Variants in PCNX1 observed in about 807,000 individuals in gnomAD.
PCNX1 encodes the protein pecanex 1.
PCNX1 carries 78 observed loss-of-function variants against 242.2 expected under a neutral mutation model. That is an observed-to-expected ratio of 0.32 (90% confidence interval 0.27 to 0.39). The LOEUF (loss-of-function observed/expected upper bound fraction) is 0.39, where lower values mean the gene tolerates loss of function less well. PCNX1 is among the 10% of genes least tolerant of loss of function. PCNX1 has a pLI of 1.00. For missense variants in PCNX1, 2,581 were observed against 2,856.5 expected, an observed-to-expected ratio of 0.90 and a Z score of 2.20; for synonymous variants, 1,024 against 1,032.9, an observed-to-expected ratio of 0.99 and a Z score of 0.17.
At chr14:71,000,688 G>A (rs1378893450) in intron 8 of PCNX1, among the ~76,000 whole-genome samples, 2 of 151,990 alleles carry the variant, frequency 1.3e-5, no homozygotes, top group Admixed American at 6.6e-5. Flanking sequence ...CACCATGCCT[G>A]GCTAATTTTG....
chr14:70,941,854 C>T, intron 1 of PCNX1, among the ~76,000 whole-genome samples: 1 of 152,202 alleles, frequency 6.6e-6, no homozygotes, highest in East Asian at 1.9e-4. Flanking sequence ...CCCAGCCTCA[C>T]TGCTGCCTTG....
intron 26 of PCNX1, among the ~76,000 whole-genome samples, chr14:71,058,691 A>G (rs926801123): frequency 2.0e-5 from 3 of 152,352 alleles, no homozygotes; most frequent in African/African-American, 4.8e-5. Flanking sequence ...TGTAGTGTCT[A>G]TGTTAGTGGA....
At chr14:71,025,952 A>G (rs1319396380) in intron 13 of PCNX1, among the ~76,000 whole-genome samples, 165 bp from the exon 14 acceptor site, 6 of 152,200 alleles carry the variant, frequency 3.9e-5, no homozygotes, top group Admixed American at 2.6e-4. Context: ...TCATTCTGTT[A>G]TTCTTCCTCC....
chr14:71,108,167 A>T (rs150564765), intron 33 of PCNX1, among the ~76,000 whole-genome samples: 15 of 152,276 alleles, frequency 9.9e-5, no homozygotes, highest in African/African-American at 3.1e-4. Flanking sequence ...TTCAGATTCC[A>T]CAAGTGAGAT....
At chr14:70,925,446 G>A (rs1271848022) in intron 1 of PCNX1, among the ~76,000 whole-genome samples, 1 of 151,766 alleles carries the variant, frequency 6.6e-6, no homozygotes. Flanking sequence ...TTGAAAAATA[G>A]ATTTTTCCCC....
At chr14:70,966,307 C>A (rs1363873591) in intron 3 of PCNX1, among the ~76,000 whole-genome samples, 1 of 152,100 alleles carries the variant, frequency 6.6e-6, no homozygotes, top group Non-Finnish European at 1.5e-5. Flanking sequence ...TGTTTTTCAC[C>A]TAAATCTGGA....
chr14:71,067,965 T>C (rs2061489847), intron 26 of PCNX1, among the ~76,000 whole-genome samples: 2 of 152,088 alleles, frequency 1.3e-5, no homozygotes, highest in African/African-American at 2.4e-5. Flanking sequence ...TAATTAGTTG[T>C]AGCACATGGA....
Position 71,108,767 on chromosome 14 carries a change from G to C in PCNX1, c.6465G>C (p.Gln2155His). Residue 2155 changes from glutamine (Q) to histidine (H), a missense_variant, in exon 34 of 36, where the codon CAG becomes CAC. This residue lies in a region of PCNX1 where 432 missense variants were observed against 433.6 expected (regional missense o/e 1.00). Coordinates refer to ENST00000304743, the MANE Select transcript of PCNX1 (RefSeq NM_014982.3). ...CTTGTCGGCGCTCTTCTACTAGTCA[G>C]ATATCGCTTCGAAACTTGCCATCAT... ...FVPCRRSSTS[Q>H]ISLRNLPSSI... The C allele has an allele frequency of 6.2e-7, 1 of 1,614,254 alleles. No homozygotes were observed. Among genetic ancestry groups the C allele is most frequent in the Non-Finnish European group, 8.5e-7 (1 of 1,180,046 alleles).
At chr14:70,948,701 A>G (rs1187564656) in intron 2 of PCNX1, among the ~76,000 whole-genome samples, 8 of 148,636 alleles carry the variant, frequency 5.4e-5, no homozygotes, top group Non-Finnish European at 9.0e-5. Flanking sequence ...ACGTGTATAT[A>G]TACACACATA....
intron 1 of PCNX1, among the ~76,000 whole-genome samples, chr14:70,942,639 AG>A (rs1305855535): frequency 6.6e-6 from 1 of 152,236 alleles, no homozygotes; most frequent in Non-Finnish European, 1.5e-5. Flanking sequence ...GCATGAGGCA[AG>A]GCATGTGGGA....
intron 22 of PCNX1, among the ~76,000 whole-genome samples, chr14:71,049,997 C>T (rs987701418): frequency 2.0e-5 from 3 of 152,190 alleles, no homozygotes; most frequent in Non-Finnish European, 4.4e-5. Context: ...AACTAAATTT[C>T]TATGGAAACA....
chr14:70,913,183 A>G (rs1459201023), intron 1 of PCNX1, among the ~76,000 whole-genome samples: 1 of 152,222 alleles, frequency 6.6e-6, no homozygotes, highest in Non-Finnish European at 1.5e-5. Context: ...AAGTGTCTGC[A>G]TGACTGCCTG....
intron 10 of PCNX1, chr14:71,012,619 CAA>C (rs2059851774): frequency 3.7e-6 from 1 of 270,096 alleles, no homozygotes; most frequent in Non-Finnish European, 7.2e-6. Context: ...ATCACGAGGT[CAA>C]GAGTTCAAGA....
At chr14:71,053,973 C>G (rs1046080112) in intron 24 of PCNX1, among the ~76,000 whole-genome samples, 9 of 151,804 alleles carry the variant, frequency 5.9e-5, no homozygotes, top group African/African-American at 2.2e-4. Flanking sequence ...AAAAATTCAC[C>G]TTCACTCACC....
chr14:71,091,795 CATATTA>C (rs1346618276), intron 30 of PCNX1, among the ~76,000 whole-genome samples: 2 of 152,308 alleles, frequency 1.3e-5, no homozygotes, highest in South Asian at 2.1e-4. Flanking sequence ...AACTGTGGTA[CATATTA>C]ATATTATATA....
intron 1 of PCNX1, among the ~76,000 whole-genome samples, chr14:70,939,277 A>C (rs552389113): frequency 7.9e-5 from 12 of 152,312 alleles, no homozygotes; most frequent in Admixed American, 7.2e-4. Context: ...TTAGTGCTAT[A>C]AATTTCCCTC....
At chr14:70,973,079 C>T (rs1439189137) in intron 5 of PCNX1, among the ~76,000 whole-genome samples, 2 of 151,896 alleles carry the variant, frequency 1.3e-5, no homozygotes, top group East Asian at 3.9e-4. Flanking sequence ...TGGTGAAGCC[C>T]TGCCTTTAAG....
intron 26 of PCNX1, among the ~76,000 whole-genome samples, chr14:71,061,919 A>G (rs544725771): frequency 6.6e-6 from 1 of 152,264 alleles, no homozygotes; most frequent in African/African-American, 2.4e-5. Context: ...AAACAGCTAG[A>G]GAAGAAAAAG....
At position 71,009,651 on chromosome 14, in the gene PCNX1, C is replaced by G. The variant is rs781674781; in HGVS notation, c.2647C>G (p.Leu883Val). ...HDELGKFSST[L>V]YETGGCDMSL... Reference sequence around the variant, plus strand: ...TTTGCTAGGTAAGTTCTCTTCTACGCTGTATGAGACTGGTGGCTGTGATAT... The same window carrying G: ...TTTGCTAGGTAAGTTCTCTTCTACGGTGTATGAGACTGGTGGCTGTGATAT... Residue 883 changes from leucine to valine, a missense_variant, in exon 9 of 36, where the codon CTG (leucine) becomes GTG (valine). Leu to Val is a conservative substitution (Grantham distance 32). This residue lies in a region of PCNX1 where 1,204 missense variants were observed against 1,216.7 expected (regional missense o/e 0.99). Coordinates refer to ENST00000304743, the MANE Select transcript of PCNX1 (RefSeq NM_014982.3). 24 of 1,591,112 alleles carry G rather than the reference C, an allele frequency of 1.5e-5. No homozygotes were observed. The African/African-American group carries it at 3.2e-4, about 21-fold the overall frequency.
Sources: gnomAD v4.1 joint callset for allele counts (sites outside exome capture counted in the v4.1 genomes callset) on GRCh38, gnomAD v4.1.1 for gene constraint, gnomAD v4.1.1 regional missense constraint, MANE v1.5 for transcripts, NCBI Gene and HGNC (gene_info 2026-07-23, HGNC 2026-07-21) for gene names.